The following EML6 variants were observed in gnomAD, a reference collection of about 807,000 sequenced individuals.
The protein encoded by EML6 is EMAP like 6, also known as echinoderm microtubule-associated protein-like 6.
In EML6, 154 loss-of-function variants were observed where a neutral mutation model predicts 240.1. The observed-to-expected ratio is 0.64, with a 90% CI of 0.56 to 0.73. The LOEUF (loss-of-function observed/expected upper bound fraction) is 0.73. Ranked by LOEUF, EML6 falls within the 30% of genes least tolerant of loss-of-function variation. The probability of loss-of-function intolerance (pLI) is 0.00; values close to 1 mark genes in which losing one functional copy is unlikely to be tolerated. For missense variants in EML6, 2,964 were observed against 2,474.6 expected, an observed-to-expected ratio of 1.20 and a Z score of -4.20; for synonymous variants, 1,148 against 899.0, an observed-to-expected ratio of 1.28 and a Z score of -4.95.
At chr2:54,779,627 T>A (rs1448783408) in intron 2 of EML6, among the ~76,000 whole-genome samples, 2 of 151,050 alleles carry the variant, frequency 1.3e-5, no homozygotes, top group Non-Finnish European at 2.9e-5. Flanking sequence ...TTTGGGAGGC[T>A]GAGGCAGGTC....
chr2:54,738,822 C>T (rs1683510570), intron 2 of EML6, among the ~76,000 whole-genome samples: 1 of 152,140 alleles, frequency 6.6e-6, no homozygotes, highest in Admixed American at 6.5e-5. Context: ...TTTGCAGTTT[C>T]CTTTGGCTAC....
At chr2:54,791,390 C>T (rs771433667) in intron 2 of EML6, among the ~76,000 whole-genome samples, 3 of 152,100 alleles carry the variant, frequency 2.0e-5, no homozygotes, top group Non-Finnish European at 4.4e-5. Flanking sequence ...AGAATGAGTC[C>T]GAATTTCTCA....
chr2:54,899,775 C>G lies in EML6; in HGVS notation c.3117C>G (p.Leu1039=), dbSNP rs1672959758. The change falls in exon 22 of 42, where the codon CTC becomes CTG. Residue 1039 remains leucine (L), a synonymous_variant. Transcript: ENST00000356458. ...ACCGTATGCTGGCAGTACGGAAACT[C>G]AAAAAAGGTACATAACACCACCTTA... ...AQHRMLAVRK[L]KKGGRCCAFS... 4.5e-6 allele frequency: 7 copies of G among 1,545,174 alleles called. No individual in the cohort carries two copies. The highest frequency in any genetic ancestry group is 6.1e-6 in the Non-Finnish European group (7 of 1,144,880).
intron 2 of EML6, chr2:54,747,585 G>A (rs538383385): frequency 6.6e-6 from 1 of 152,274 alleles, no homozygotes; most frequent in East Asian, 1.9e-4. Flanking sequence ...ATGCATGTCT[G>A]AAACCCACAT....
intron 6 of EML6, 139 bp from the exon 7 acceptor site, chr2:54,829,203 T>C (rs975799226): frequency 7.4e-6 from 5 of 673,544 alleles, no homozygotes; most frequent in Non-Finnish European, 1.2e-5. Flanking sequence ...ACTTGGTCTA[T>C]TGTCAGCATT....
intron 28 of EML6, 37 bp downstream of exon 28, chr2:54,928,788 C>T (rs1215411163): frequency 1.3e-6 from 2 of 1,550,818 alleles, no homozygotes; most frequent in Admixed American, 3.9e-5. Context: ...TTTATTATAC[C>T]TGATGACAAG....
chr2:54,741,170 A>G (rs991727709), intron 2 of EML6, among the ~76,000 whole-genome samples: 1 of 152,138 alleles, frequency 6.6e-6, no homozygotes, highest in Non-Finnish European at 1.5e-5. Context: ...CCCCAAGTGC[A>G]GCTGATCTTG....
At chr2:54,727,171 A>G (rs955961080) in intron 2 of EML6, among the ~76,000 whole-genome samples, 1 of 151,188 alleles carries the variant, frequency 6.6e-6, no homozygotes, top group Non-Finnish European at 1.5e-5. Flanking sequence ...AGGGAGCCTT[A>G]ACTGATGAAG....
At chr2:54,834,534 G>T (rs375104909) in intron 7 of EML6, among the ~76,000 whole-genome samples, 98 of 152,322 alleles carry the variant, frequency 6.4e-4, no homozygotes, top group African/African-American at 2.3e-3. Context: ...ACATCCAAGT[G>T]CCAGATACGT....
intron 2 of EML6, among the ~76,000 whole-genome samples, chr2:54,809,919 C>T (rs1222701037): frequency 1.5e-5 from 2 of 131,812 alleles, no homozygotes. Context: ...CATGTCACTG[C>T]TGAAAGGGGT....
intron 6 of EML6, among the ~76,000 whole-genome samples, chr2:54,828,625 T>G (rs1305636770): frequency 6.6e-6 from 1 of 152,216 alleles, no homozygotes; most frequent in South Asian, 2.1e-4. Context: ...TCACTAATTA[T>G]GAAACAGCTC....
In EML6 at chr2:54,879,554, A is replaced by G; in HGVS notation, c.2352A>G (p.Gly784=). Residue 784 remains glycine (G), a synonymous_variant, in exon 17 of 42, where the codon GGA becomes GGG. Coordinates refer to ENST00000356458, the MANE Select transcript of EML6 (RefSeq NM_001039753.4). ...TGTGTTGTTTTCATACAGCCGATGG[A>G]AAATGTCTGGTGTCGGTTGGTTTAG... ...GVCALDFSAD[G]KCLVSVGLDD... The G allele has an allele frequency of 6.4e-7, 1 of 1,550,406 alleles. No individual in the cohort carries two copies. The highest frequency in any genetic ancestry group is 8.7e-7 in the Non-Finnish European group (1 of 1,145,806).
At chr2:54,866,727 G>A in intron 13 of EML6, 39 bp from the exon 14 acceptor site, 1 of 1,230,162 alleles carries the variant, frequency 8.1e-7, no homozygotes, top group Non-Finnish European at 1.2e-6. Context: ...GGAACCTGAT[G>A]AAAGGCATCT....
intron 22 of EML6, among the ~76,000 whole-genome samples, chr2:54,902,318 A>AATAAATGAATG (rs1673100496): frequency 2.0e-5 from 3 of 152,200 alleles, no homozygotes; most frequent in African/African-American, 7.2e-5. Flanking sequence ...AAATACTCAT[A>AATAAATGAATG]AATGAATGAA....
chr2:54,907,507 A>C (rs995060338), intron 24 of EML6, among the ~76,000 whole-genome samples: 12 of 152,230 alleles, frequency 7.9e-5, no homozygotes, highest in Admixed American at 7.9e-4. Flanking sequence ...ACTATGTCTC[A>C]AAAAGTAATA....
intron 10 of EML6, among the ~76,000 whole-genome samples, chr2:54,851,997 A>C (rs760412512): frequency 3.7e-4 from 56 of 152,236 alleles, no homozygotes; most frequent in Non-Finnish European, 2.4e-4. Flanking sequence ...AATTTTAGAA[A>C]AAATGGCCCT....
intron 2 of EML6, among the ~76,000 whole-genome samples, chr2:54,756,550 C>G (rs913322343): frequency 2.0e-5 from 3 of 151,970 alleles, no homozygotes; most frequent in African/African-American, 7.3e-5. Context: ...TGTATTTGGG[C>G]AGTAGGGTGT....
At chr2:54,919,981 G>A (rs1674135014) in intron 26 of EML6, among the ~76,000 whole-genome samples, 1 of 152,128 alleles carries the variant, frequency 6.6e-6, no homozygotes, top group South Asian at 2.1e-4. Flanking sequence ...AGATTTTGAA[G>A]CATACACATA....
At chr2:54,944,922 C>G (rs1031223379) in intron 28 of EML6, among the ~76,000 whole-genome samples, 17 of 151,890 alleles carry the variant, frequency 1.1e-4, no homozygotes, top group East Asian at 3.9e-4. Flanking sequence ...GAGATTTTTC[C>G]TAACCCTGGA....
Sources: allele counts gnomAD v4.1 joint callset (sites outside exome capture counted in the v4.1 genomes callset), GRCh38; gene constraint gnomAD v4.1.1; transcripts MANE v1.5; gene names NCBI Gene and HGNC (gene_info 2026-07-23, HGNC 2026-07-21).